The following ERBIN variants were observed in gnomAD, a reference collection of about 807,000 sequenced individuals.
ERBIN encodes the protein densin-180-like protein.
A neutral mutation model predicts 158.4 loss-of-function variants in ERBIN; 60 were observed. The ratio of observed to expected loss-of-function variants is 0.38; its 90% CI spans 0.31 to 0.47. The LOEUF is 0.47. Among genes scored for constraint, ERBIN ranks in the 20% least tolerant of loss-of-function variants. The pLI, the probability that ERBIN is intolerant of heterozygous loss-of-function variation, is 0.99. For synonymous variants in ERBIN, 594 were observed against 557.2 expected (o/e 1.07, Z -0.93); for missense variants, 1,610 against 1,648.0 (o/e 0.98, Z 0.40).
chr5:65,964,908 TTGTGTGTGTGTGTGTGTGTGTG>T lies in ERBIN; in HGVS notation c.-57-23711_-57-23690del, dbSNP rs70987104. 8.4e-5 allele frequency among the ~76,000 whole-genome samples: 9 copies of T among 107,256 alleles called. No individual in the cohort carries two copies. The South Asian group carries it at 2.0e-3, about 23-fold the overall frequency. The allele number at this position is 107,256 out of a possible 152,430, so 70.4% of individuals were successfully genotyped here. ...GCGTGGGCCACCACGCCTGGCTGAT[TTGTGTGTGTGTGTGTGTGTGTG>T]TGTGTGTGTGTGTGTAATTTTTTTT... On this transcript the variant is annotated intron_variant, in intron 1 of 25. Transcript: ENST00000284037.
intron 7 of ERBIN, among the ~76,000 whole-genome samples, chr5:66,018,727 C>A (rs938379984): frequency 6.9e-6 from 1 of 145,544 alleles, no homozygotes; most frequent in African/African-American, 2.5e-5. Flanking sequence ...AGCTCTATCT[C>A]CCGGGTCCAC....
rs191644837 is a variant in ERBIN, at chr5:66,073,257, T to C, written c.3756+966T>C. Among the ~76,000 whole-genome samples, 329 of 152,318 alleles carry C rather than the reference T, an allele frequency of 2.2e-3. 2 individuals are homozygous for C. Among genetic ancestry groups the C allele is most frequent in the African/African-American group, 7.7e-3 (322 of 41,558 alleles). The stretch of plus-strand genomic sequence containing the variant: ...CCAGGAGAAAGATACTGAATTTGCA[T>C]GTAGGAATAAATGGTATAAACGTAG... On this transcript the variant is annotated intron_variant, in intron 22 of 25. Transcript: ENST00000284037.
At chr5:66,016,157 T>C (rs28431038) in intron 7 of ERBIN, among the ~76,000 whole-genome samples, 2,637 of 152,294 alleles carry the variant, frequency 0.017, 80 homozygotes, top group African/African-American at 0.061. Context: ...ATAGTGATGA[T>C]TGTGAGTATA....
intron 7 of ERBIN, among the ~76,000 whole-genome samples, chr5:66,020,369 T>C (rs751577812): frequency 2.0e-5 from 3 of 152,004 alleles, no homozygotes; most frequent in Non-Finnish European, 4.4e-5. Flanking sequence ...GTCTGTGTTT[T>C]TCGTGCCGTA....
intron 21 of ERBIN, among the ~76,000 whole-genome samples, chr5:66,060,470 T>A (rs1760152359): frequency 6.6e-6 from 1 of 152,210 alleles, no homozygotes; most frequent in Non-Finnish European, 1.5e-5. Context: ...ATCAATTCTG[T>A]TGATCCTTTC....
At chr5:65,943,045 A>G (rs1049942966) in intron 1 of ERBIN, among the ~76,000 whole-genome samples, 2 of 152,344 alleles carry the variant, frequency 1.3e-5, no homozygotes, top group East Asian at 1.9e-4. Context: ...TTCATGCAGT[A>G]TATTTGTTAG....
chr5:66,028,249 T>A (rs1756488336), intron 13 of ERBIN, 25 bp from the exon 14 acceptor site: 2 of 1,563,862 alleles, frequency 1.3e-6, no homozygotes, highest in African/African-American at 1.4e-5. Flanking sequence ...AAAGTTTAAT[T>A]TTTGTTTGTA....
intron 1 of ERBIN, among the ~76,000 whole-genome samples, chr5:65,987,802 AC>A (rs1751426727): frequency 6.6e-6 from 1 of 150,628 alleles, no homozygotes; most frequent in Non-Finnish European, 1.5e-5. Context: ...CTGAGATTGT[AC>A]CACTGTACTC....
At chr5:66,077,387 A>C (rs1016115756) in intron 25 of ERBIN, among the ~76,000 whole-genome samples, 6 of 152,050 alleles carry the variant, frequency 3.9e-5, no homozygotes, top group African/African-American at 1.4e-4. Context: ...TAGAAGGAAG[A>C]CAAACCTAGG....
intron 3 of ERBIN, among the ~76,000 whole-genome samples, chr5:65,993,999 C>T (rs1258798006): frequency 6.6e-6 from 1 of 152,098 alleles, no homozygotes; most frequent in Non-Finnish European, 1.5e-5. Flanking sequence ...TATATACATA[C>T]TGGATGACAG....
At chr5:66,008,716 A>G (rs780536286) in intron 4 of ERBIN, among the ~76,000 whole-genome samples, 8 of 152,198 alleles carry the variant, frequency 5.3e-5, no homozygotes, top group Admixed American at 2.0e-4. Context: ...GATTTTAATA[A>G]CAACCAATAA....
rs770208963 is a variant in ERBIN at position 66,078,551 on chromosome 5, G to A, written c.*21G>A. 2.2e-5 allele frequency: 30 copies of A among 1,392,600 alleles called. No homozygotes were observed. Among genetic ancestry groups the A allele is most frequent in the Admixed American group, 1.5e-4 (9 of 58,388 alleles). 86.3% of individuals were successfully genotyped at this position (1,392,600 alleles called of 1,614,324 possible). ...CATAAGCACTGTGGACAAAAAAAGC[G>A]GGGAAGACAGCAAGATTTATTGGAA... On this transcript the variant is annotated 3_prime_UTR_variant, in exon 26 of 26. Transcript: ENST00000284037.
intron 21 of ERBIN, among the ~76,000 whole-genome samples, chr5:66,063,261 C>T (rs1028542820): frequency 6.6e-6 from 1 of 152,192 alleles, no homozygotes; most frequent in East Asian, 1.9e-4. Context: ...CCCCCAGCCT[C>T]GCTGTGGCCT....
chr5:65,981,186 C>T (rs924335883), intron 1 of ERBIN, among the ~76,000 whole-genome samples: 21 of 151,926 alleles, frequency 1.4e-4, no homozygotes, highest in African/African-American at 4.8e-4. Context: ...TTTGAACAAC[C>T]CATCAGTAAA....
chr5:66,046,207 G>A (rs1758424696), intron 17 of ERBIN, 146 bp from the exon 18 acceptor site: 2 of 432,600 alleles, frequency 4.6e-6, no homozygotes, highest in African/African-American at 2.0e-5. Context: ...ATCTGTGAGT[G>A]TCACAGGTTT....
rs556687271 is a variant in ERBIN at position 65,956,246 on chromosome 5, GGTGTGGGT to G, written c.-58+29447_-58+29454del. On this transcript the variant is annotated intron_variant, in intron 1 of 25. Transcript: ENST00000284037. ...GGATTAGAAACTGAAGGCCCTTCGG[GGTGTGGGT>G]GTGTGGTGGTAGTGGTGATGTTTTT... 4.3e-3 allele frequency among the ~76,000 whole-genome samples: 656 copies of G among 152,104 alleles called. 5 individuals carry two copies. Among genetic ancestry groups the G allele is most frequent in the African/African-American group, 0.015 (633 of 41,486 alleles).
At chr5:65,928,795 G>T (rs1229502375) in intron 1 of ERBIN, among the ~76,000 whole-genome samples, 1 of 152,074 alleles carries the variant, frequency 6.6e-6, no homozygotes, top group Non-Finnish European at 1.5e-5. Flanking sequence ...TTATACTATT[G>T]TGAAACTATA....
chr5:66,061,798 T>A (rs1488279126), intron 21 of ERBIN, among the ~76,000 whole-genome samples: 2 of 152,202 alleles, frequency 1.3e-5, no homozygotes, highest in East Asian at 3.8e-4. Flanking sequence ...CTCCTTCACT[T>A]ATGAAGCTTA....
chr5:66,058,554 T>G (rs912043412), intron 21 of ERBIN, among the ~76,000 whole-genome samples: 3 of 151,118 alleles, frequency 2.0e-5, no homozygotes, highest in South Asian at 2.1e-4. Context: ...ATCCCATTTG[T>G]CAATTTTGGC....
Sources: allele counts gnomAD v4.1 joint callset (sites outside exome capture counted in the v4.1 genomes callset), GRCh38; gene constraint gnomAD v4.1.1; transcripts MANE v1.5; gene names NCBI Gene and HGNC (gene_info 2026-07-23, HGNC 2026-07-21).